GCNT2: variants seen among roughly 807,000 people sequenced by gnomAD.
GCNT2 encodes glucosaminyl (N-acetyl) transferase 2 (I blood group).
GCNT2 carries 34 observed loss-of-function variants against 34.2 expected under a neutral mutation model. That is an observed-to-expected ratio of 1.00 (90% CI 0.76 to 1.32). The LOEUF is 1.32. GCNT2 is among the 40% of genes most tolerant of loss of function. The pLI is 0.00. For synonymous variants in GCNT2, 212 were observed against 188.0 expected (o/e 1.13, Z -1.04); for missense variants, 584 against 489.4 (o/e 1.19, Z -1.82).
intron 3 of GCNT2, among the ~76,000 whole-genome samples, chr6:10,589,329 T>C (rs1020646240): frequency 8.6e-6 from 1 of 115,810 alleles, no homozygotes; most frequent in South Asian, 2.5e-4. Flanking sequence ...TGTGGTGTGT[T>C]TGTAGTGTGT....
chr6:10,524,179 A>G (rs1407531666), intron 1 of GCNT2, among the ~76,000 whole-genome samples: 1 of 151,296 alleles, frequency 6.6e-6, no homozygotes, highest in Non-Finnish European at 1.5e-5. Context: ...AAATCAAATG[A>G]CTTATTCAAC....
chr6:10,549,445 A>G (rs551477783), intron 3 of GCNT2, among the ~76,000 whole-genome samples: 3 of 152,076 alleles, frequency 2.0e-5, no homozygotes, highest in Non-Finnish European at 2.9e-5. Flanking sequence ...TGGTTTTTCA[A>G]AGTTGTCATA....
chr6:10,585,814 T>A, intron 3 of GCNT2: 1 of 1,449,828 alleles, frequency 6.9e-7, no homozygotes, highest in Non-Finnish European at 9.0e-7. Flanking sequence ...CCAAAAAGGA[T>A]GGACGAGACA....
At chr6:10,594,692 G>T (rs1054866201) in intron 3 of GCNT2, among the ~76,000 whole-genome samples, 2 of 152,170 alleles carry the variant, frequency 1.3e-5, no homozygotes, top group African/African-American at 4.8e-5. Context: ...CTACACTAAT[G>T]AGATCCTCAA....
At chr6:10,539,309 C>A (rs1761930290) in intron 3 of GCNT2, among the ~76,000 whole-genome samples, 1 of 150,900 alleles carries the variant, frequency 6.6e-6, no homozygotes. Context: ...CCTGCCTCAG[C>A]CTCCCGAGTT....
intron 3 of GCNT2, among the ~76,000 whole-genome samples, chr6:10,618,448 A>C (rs918906895): frequency 2.6e-5 from 4 of 152,228 alleles, no homozygotes; most frequent in Admixed American, 6.5e-5. Context: ...AGTAAGAGTC[A>C]GTTTGGGATT....
chr6:10,581,440 T>G (rs1026688845), intron 3 of GCNT2, among the ~76,000 whole-genome samples: 1 of 152,040 alleles, frequency 6.6e-6, no homozygotes, highest in Non-Finnish European at 1.5e-5. Flanking sequence ...CTGGCTAATT[T>G]TGTATTTTTA....
intron 3 of GCNT2, among the ~76,000 whole-genome samples, chr6:10,575,685 C>T (rs1337605150): frequency 1.3e-5 from 2 of 152,086 alleles, no homozygotes; most frequent in South Asian, 2.1e-4. Context: ...TAACTGATGA[C>T]ATTCCACCAC....
chr6:10,575,554 G>A (rs2127401056), intron 3 of GCNT2, among the ~76,000 whole-genome samples: 1 of 152,108 alleles, frequency 6.6e-6, no homozygotes, highest in South Asian at 2.1e-4. Context: ...AGTGGAGATG[G>A]GTGTCAGGCC....
At chr6:10,559,596 T>C (rs577979353) in intron 3 of GCNT2, among the ~76,000 whole-genome samples, 1 of 152,350 alleles carries the variant, frequency 6.6e-6, no homozygotes, top group East Asian at 1.9e-4. Context: ...TGGGAATCTA[T>C]AGAGAGAAAG....
Position 10,627,714 on chromosome 6 carries a change from A to T in GCNT2, c.*1107A>T, listed in dbSNP as rs1766324495. On this transcript the variant is annotated 3_prime_UTR_variant, in exon 5 of 5. Transcript: ENST00000495262. ...ACATAAGAGCTTTTTCACTCTAAAA[A>T]TCTTGGCAATAATGTCAACACCAGA... 6.6e-6 allele frequency: 1 copy of T among 152,242 alleles called. No individual in the cohort carries two copies. The highest frequency in any genetic ancestry group is 2.4e-5 in the African/African-American group (1 of 41,460). 9.4% of individuals were successfully genotyped at this position (152,242 alleles called of 1,614,324 possible).
At chr6:10,558,743 A>T (rs1230206424) in intron 3 of GCNT2, among the ~76,000 whole-genome samples, 1 of 152,236 alleles carries the variant, frequency 6.6e-6, no homozygotes, top group African/African-American at 2.4e-5. Flanking sequence ...ACACGCCGGC[A>T]TTCTCTGGAA....
intron 3 of GCNT2, among the ~76,000 whole-genome samples, chr6:10,609,080 A>G (rs1265870460): frequency 6.6e-6 from 1 of 152,234 alleles, no homozygotes; most frequent in Non-Finnish European, 1.5e-5. Flanking sequence ...GGGTCAAACC[A>G]AACAGGCCTA....
Position 10,626,829 on chromosome 6 carries a change from C to T in GCNT2, c.*222C>T, listed in dbSNP as rs976377687. On this transcript the variant is annotated 3_prime_UTR_variant, in exon 5 of 5. Coordinates refer to ENST00000495262, the MANE Select transcript of GCNT2 (RefSeq NM_145649.5). ...TCTGGGCACTTTGGCCAATTTTAGT[C>T]TTGCTGTTTCTTGATGCTCACCTCT... is the stretch of plus-strand genomic sequence containing the variant. The T allele has an allele frequency of 3.6e-6, 2 of 556,796 alleles. No individual in the cohort carries two copies. Among genetic ancestry groups the T allele is most frequent in the South Asian group, 4.2e-5 (2 of 48,044 alleles). 34.5% of individuals were successfully genotyped at this position (556,796 alleles called of 1,614,324 possible).
chr6:10,608,661 A>G (rs572887662), intron 3 of GCNT2, among the ~76,000 whole-genome samples: 2 of 152,316 alleles, frequency 1.3e-5, no homozygotes, highest in Admixed American at 1.3e-4. Flanking sequence ...GAGCAGAGAC[A>G]TTGTCTCTAA....
At chr6:10,588,713 A>G (rs112234793) in intron 3 of GCNT2, among the ~76,000 whole-genome samples, 3,310 of 151,974 alleles carry the variant, frequency 0.022, 118 homozygotes, top group African/African-American at 0.075. Context: ...TAGCAGGGAT[A>G]TGGTGTGTGT....
intron 3 of GCNT2, among the ~76,000 whole-genome samples, chr6:10,535,802 G>T (rs1029137383): frequency 2.0e-5 from 3 of 152,170 alleles, no homozygotes; most frequent in African/African-American, 7.2e-5. Flanking sequence ...GTCCAAAGGG[G>T]AAGGAATAGA....
At chr6:10,549,577 T>C (rs1762403736) in intron 3 of GCNT2, among the ~76,000 whole-genome samples, 1 of 142,338 alleles carries the variant, frequency 7.0e-6, no homozygotes, top group Non-Finnish European at 1.5e-5. Flanking sequence ...TTTTTTTTTT[T>C]TTTTTTTTTT....
intron 3 of GCNT2, among the ~76,000 whole-genome samples, chr6:10,540,638 G>T (rs1761999552): frequency 1.3e-5 from 2 of 152,136 alleles, no homozygotes; most frequent in African/African-American, 4.8e-5. Context: ...CACTGAGTGG[G>T]CTTCCAATAT....
Sources: allele counts gnomAD v4.1 joint callset (sites outside exome capture counted in the v4.1 genomes callset), GRCh38; gene constraint gnomAD v4.1.1; transcripts MANE v1.5; gene names NCBI Gene and HGNC (gene_info 2026-07-23, HGNC 2026-07-21).